Variants in RAB3C observed in about 807,000 individuals in gnomAD.
RAB3C encodes the protein RAB3C, member RAS oncogene family.
RAB3C carries 17 observed loss-of-function variants against 26.4 expected under a neutral mutation model. That is an observed-to-expected ratio of 0.64 (90% CI 0.44 to 0.97). The LOEUF is 0.97. Ranked by LOEUF, RAB3C falls within the 50% of genes least tolerant of loss-of-function variation. The pLI is 0.00. For synonymous variants in RAB3C, 91 were observed against 95.9 expected, an observed-to-expected ratio of 0.95 and a Z score of 0.30; for missense variants, 242 against 281.9, an observed-to-expected ratio of 0.86 and a Z score of 1.01.
At chr5:58,675,615 CTTT>C (rs1195191076) in intron 2 of RAB3C, among the ~76,000 whole-genome samples, 5 of 89,398 alleles carry the variant, frequency 5.6e-5, no homozygotes, top group Non-Finnish European at 9.4e-5. Context: ...GGCCATTTGT[CTTT>C]TTTTTTTTTT....
intron 1 of RAB3C, among the ~76,000 whole-genome samples, chr5:58,592,912 C>T (rs1002616598): frequency 3.3e-5 from 5 of 151,898 alleles, no homozygotes; most frequent in Admixed American, 1.3e-4. Flanking sequence ...GTCAGATTGG[C>T]GAATTGGATA....
In RAB3C at chr5:58,694,054, G is replaced by C. The variant is rs544732157; in HGVS notation, c.253-31948G>C. On this transcript the variant is annotated intron_variant, in intron 2 of 4. Transcript: ENST00000282878. ...CCCATTAACTCATTATTGACATTAG[G>C]TATTTCTCCTAATGCTATCGCTCCC... Among the ~76,000 whole-genome samples, 3 of 152,148 alleles carry C rather than the reference G, an allele frequency of 2.0e-5. No individual in the cohort carries two copies. The South Asian group carries it at 6.2e-4, about 32-fold the overall frequency.
In RAB3C at chr5:58,834,516, C is replaced by G. The variant is rs370837119; in HGVS notation, c.496+9354C>G. Among the ~76,000 whole-genome samples, 23 of 152,334 alleles carry G rather than the reference C, an allele frequency of 1.5e-4. No homozygotes were observed. In the South Asian group the frequency reaches 3.7e-3, roughly 25 times the overall value. On this transcript the variant is annotated intron_variant, in intron 4 of 4. Transcript: ENST00000282878. The stretch of plus-strand genomic sequence containing the variant: ...CACCTGTTCCAAATATGCATTAGCT[C>G]TGTTCTTCAGCAGCTTTTAAAGATT...
chr5:58,837,635 T>C (rs1743781269), intron 4 of RAB3C, among the ~76,000 whole-genome samples: 1 of 148,208 alleles, frequency 6.7e-6, no homozygotes, highest in African/African-American at 2.5e-5. Context: ...GTAGGATCAC[T>C]GCAACCTCCA....
chr5:58,836,969 T>C (rs1278479893), intron 4 of RAB3C, among the ~76,000 whole-genome samples: 2 of 152,182 alleles, frequency 1.3e-5, no homozygotes, highest in African/African-American at 4.8e-5. Flanking sequence ...CTGTTCTCCA[T>C]AGTGGTTATA....
chr5:58,689,041 T>A (rs1177522071), intron 2 of RAB3C, among the ~76,000 whole-genome samples: 3 of 152,104 alleles, frequency 2.0e-5, no homozygotes, highest in African/African-American at 7.2e-5. Flanking sequence ...TCTCATTTAA[T>A]CCCCACAGAA....
At chr5:58,723,231 T>C (rs765066511) in intron 2 of RAB3C, among the ~76,000 whole-genome samples, 4 of 151,822 alleles carry the variant, frequency 2.6e-5, no homozygotes, top group Non-Finnish European at 4.4e-5. Context: ...CTGCCATTGA[T>C]AGTATGTTCT....
At chr5:58,662,875 A>T (rs910492060) in intron 2 of RAB3C, among the ~76,000 whole-genome samples, 1 of 150,304 alleles carries the variant, frequency 6.7e-6, no homozygotes, top group Non-Finnish European at 1.5e-5. Flanking sequence ...TAGTTCAATT[A>T]TGTTTGTCAG....
chr5:58,819,580 C>G (rs1420523211), intron 3 of RAB3C, among the ~76,000 whole-genome samples: 1 of 152,168 alleles, frequency 6.6e-6, no homozygotes, highest in Non-Finnish European at 1.5e-5. Context: ...ATTTTTCTTA[C>G]TTACCCATCT....
At chr5:58,765,437 C>G (rs1305183137) in intron 3 of RAB3C, among the ~76,000 whole-genome samples, 1 of 152,164 alleles carries the variant, frequency 6.6e-6, no homozygotes, top group African/African-American at 2.4e-5. Context: ...GAAAATAAAA[C>G]TCGCTCATTT....
rs1413629962 is a variant in RAB3C at position 58,604,446 on chromosome 5, G to A, written c.25-13197G>A. Among the ~76,000 whole-genome samples, 3 of 152,154 alleles carry A rather than the reference G, an allele frequency of 2.0e-5. No homozygotes were observed. The East Asian group carries it at 5.8e-4, about 29-fold the overall frequency. On this transcript the variant is annotated intron_variant, in intron 1 of 4. Transcript: ENST00000282878. ...GAAGGACTATGGGGAGTGGGACTAG[G>A]CCTGTCTGAGCTCAGACTCTCTTTG...
intron 1 of RAB3C, among the ~76,000 whole-genome samples, chr5:58,602,457 C>T (rs1056292703): frequency 1.1e-4 from 17 of 151,878 alleles, no homozygotes; most frequent in African/African-American, 4.1e-4. Flanking sequence ...TATTGATGTC[C>T]CCCACTAGTA....
intron 2 of RAB3C, among the ~76,000 whole-genome samples, chr5:58,636,036 A>G (rs1747283310): frequency 1.3e-5 from 2 of 152,248 alleles, no homozygotes; most frequent in African/African-American, 2.4e-5. Context: ...ATAGTATTAC[A>G]TTAATTACCT....
chr5:58,767,416 G>T (rs1466785004), intron 3 of RAB3C, among the ~76,000 whole-genome samples: 1 of 152,088 alleles, frequency 6.6e-6, no homozygotes, highest in Non-Finnish European at 1.5e-5. Flanking sequence ...TTCATTCTTT[G>T]AATAAATATT....
chr5:58,645,972 A>G (rs759113459), intron 2 of RAB3C, among the ~76,000 whole-genome samples: 21 of 152,202 alleles, frequency 1.4e-4, no homozygotes, highest in South Asian at 8.3e-4. Flanking sequence ...AGTGTTGCCT[A>G]TTAGGATTTG....
chr5:58,818,827 C>T (rs1232669421), intron 3 of RAB3C, among the ~76,000 whole-genome samples: 1 of 152,126 alleles, frequency 6.6e-6, no homozygotes, highest in Non-Finnish European at 1.5e-5. Context: ...TAAGAAATTT[C>T]ACAAAATACA....
In RAB3C at chr5:58,837,559, T is replaced by C. The variant is rs527638912; in HGVS notation, c.496+12397T>C. On this transcript the variant is annotated intron_variant, in intron 4 of 4. Coordinates refer to ENST00000282878, the MANE Select transcript of RAB3C (RefSeq NM_138453.4). ...TATTTCTTCTTGTTTCAGTCTCTCT[T>C]TTTTTTTTTTTTTTTTTGAAACAAG... Among the ~76,000 whole-genome samples the C allele has an allele frequency of 1.0e-3, 146 of 140,960 alleles. 1 individual carries two copies. Among genetic ancestry groups the C allele is most frequent in the African/African-American group, 3.6e-3 (139 of 38,188 alleles). The allele number at this position is 140,960 out of a possible 152,430, so 92.5% of individuals were successfully genotyped here.
intron 3 of RAB3C, among the ~76,000 whole-genome samples, chr5:58,796,561 A>G (rs940580858): frequency 8.5e-5 from 13 of 152,246 alleles, no homozygotes; most frequent in Non-Finnish European, 8.8e-5. Context: ...AGAGAATTGT[A>G]AAGAGATTAT....
intron 2 of RAB3C, among the ~76,000 whole-genome samples, chr5:58,667,909 CTT>C (rs1329941162): frequency 2.6e-5 from 4 of 152,000 alleles, no homozygotes; most frequent in Non-Finnish European, 5.9e-5. Flanking sequence ...TTCTATGCCT[CTT>C]ATATGGACTT....
Sources: allele counts gnomAD v4.1 joint callset (sites outside exome capture counted in the v4.1 genomes callset), GRCh38; gene constraint gnomAD v4.1.1; transcripts MANE v1.5; gene names NCBI Gene and HGNC (gene_info 2026-07-23, HGNC 2026-07-21).